CDKN1C: variants seen among roughly 807,000 people sequenced by gnomAD.
CDKN1C encodes cyclin dependent kinase inhibitor 1C.
A neutral mutation model predicts 16.5 loss-of-function variants in CDKN1C; 7 were observed. That is an observed-to-expected ratio of 0.42 (90% CI 0.24 to 0.80). The LOEUF is 0.80. CDKN1C is among the 30% of genes least tolerant of loss of function. CDKN1C has a pLI of 0.26. For synonymous variants in CDKN1C, 288 were observed against 214.4 expected, an observed-to-expected ratio of 1.34 and a Z score of -3.00; for missense variants, 429 against 437.3, an observed-to-expected ratio of 0.98 and a Z score of 0.17.
In CDKN1C at chr11:2,884,878, C is replaced by G. The variant is rs794726872; in HGVS notation, c.579G>C (p.Pro193=). Residue 193 remains proline (P), a synonymous_variant, in exon 2 of 4, where the codon CCG becomes CCC. Transcript: ENST00000440480. ...CCGGGGCGGGGGCCGGGGCCGGGGCCGGGGCCGGGGCTGGGGCCGGGGCCG... is the reference window on the plus strand; with the variant it reads ...CCGGGGCGGGGGCCGGGGCCGGGGCGGGGGCCGGGGCTGGGGCCGGGGCCG... ...PVAAPAPAPA[P]APAPAPAPAP... 1.1e-6 allele frequency: 1 copy of G among 885,706 alleles called. No homozygotes were observed. The highest frequency in any genetic ancestry group is 1.4e-6 in the Non-Finnish European group (1 of 730,632). The allele number at this position is 885,706 out of a possible 1,614,324, so 54.9% of individuals were successfully genotyped here.
At chr11:2,884,522 A>G in intron 2 of CDKN1C, 148 bp downstream of exon 2, 1 of 389,262 alleles carries the variant, frequency 2.6e-6, no homozygotes, top group Middle Eastern at 7.2e-4. Flanking sequence ...GGAGGGGGGT[A>G]AGGGCGCAGC....
chr11:2,884,399 G>A (rs1848899281), intron 2 of CDKN1C: 3 of 237,802 alleles, frequency 1.3e-5, no homozygotes, highest in Non-Finnish European at 2.4e-5. Context: ...GCCGCGCCCG[G>A]GGAGGGGCTC....
chr11:2,883,646 T>C lies in CDKN1C; in HGVS notation c.*275A>G, dbSNP rs1308996529. ...TTTTTCTTTTTTCTTTTTTTTGCAC[T>C]GAGTTTCAGCAGAGATTAAACATTT... On this transcript the variant is annotated 3_prime_UTR_variant, in exon 4 of 4. Transcript: ENST00000440480. 3.1e-6 allele frequency: 2 copies of C among 635,830 alleles called. No individual in the cohort carries two copies. Among genetic ancestry groups the C allele is most frequent in the African/African-American group, 1.9e-5 (1 of 52,828 alleles). 39.4% of individuals were successfully genotyped at this position (635,830 alleles called of 1,614,324 possible).
At position 2,884,958 on chromosome 11, in the gene CDKN1C, G is replaced by T; in HGVS notation, c.499C>A (p.Leu167Met). 9.5e-7 allele frequency: 1 copy of T among 1,051,810 alleles called. No individual in the cohort carries two copies. Among genetic ancestry groups the T allele is most frequent in the Non-Finnish European group, 1.2e-6 (1 of 840,574 alleles). The allele number at this position is 1,051,810 out of a possible 1,614,324, so 65.2% of individuals were successfully genotyped here. A position where few individuals can be genotyped will look rare whatever the true frequency, so the allele number is the denominator to read the frequency against. The change falls in exon 2 of 4, where the codon CTG (leucine) becomes ATG (methionine). Residue 167 changes from leucine (L) to methionine (M), a missense_variant. Coordinates refer to ENST00000440480, the MANE Select transcript of CDKN1C (RefSeq NM_001122630.2). ...PVAAPVAVAVLAPAPAPAPAP... is the reference protein window; with the variant it reads ...PVAAPVAVAVMAPAPAPAPAP... ...GGAGCCGGGGCCGGGGCCGGGGCCA[G>T]GACCGCGACCGCGACCGGAGCCGCG...
rs1174788969 is a variant in CDKN1C, at chr11:2,884,657, G to C, written c.787+13C>G. 1 of 1,301,172 alleles carries C rather than the reference G, an allele frequency of 7.7e-7. No individual in the cohort carries two copies. Among genetic ancestry groups the C allele is most frequent in the East Asian group, 3.1e-5 (1 of 31,802 alleles). 80.6% of individuals were successfully genotyped at this position (1,301,172 alleles called of 1,614,324 possible). A position where few individuals can be genotyped will look rare whatever the true frequency, so the allele number is the denominator to read the frequency against. ...GGCCGGGCCGGGCCGGGGCGGGGCC[G>C]TGCGGGGCTCACCGGAGATCAGAGG... On this transcript the variant is annotated intron_variant, in intron 2 of 3. Transcript: ENST00000440480.
At position 2,885,082 on chromosome 11, in the gene CDKN1C, C is replaced by T. The variant is rs1236844963; in HGVS notation, c.375G>A (p.Leu125=). ...CCGGGGCCGGGACCGGGACACTAGGCAGCTGCTCCGGCGCCTCCTCGAGGC... is the reference window on the plus strand; with the variant it reads ...CCGGGGCCGGGACCGGGACACTAGGTAGCTGCTCCGGCGCCTCCTCGAGGC... ...LDGLEEAPEQ[L]PSVPVPAPAS... Residue 125 remains leucine (L), a synonymous_variant, in exon 2 of 4, where the codon CTG becomes CTA. Transcript: ENST00000440480. 4 of 1,407,960 alleles carry T rather than the reference C, an allele frequency of 2.8e-6. No individual in the cohort carries two copies. Among genetic ancestry groups the T allele is most frequent in the Non-Finnish European group, 3.7e-6 (4 of 1,092,842 alleles). The allele number at this position is 1,407,960 out of a possible 1,614,324, so 87.2% of individuals were successfully genotyped here. A position where few individuals can be genotyped will look rare whatever the true frequency, so the allele number is the denominator to read the frequency against.
chr11:2,885,755 C>T lies in CDKN1C; in HGVS notation c.-132G>A, dbSNP rs147317732. 3.5e-3 allele frequency: 1,989 copies of T among 575,108 alleles called. 7 individuals are homozygous for T. The highest frequency in any genetic ancestry group is 4.7e-3 in the Non-Finnish European group (1,507 of 322,922). The allele number at this position is 575,108 out of a possible 1,614,324, so 35.6% of individuals were successfully genotyped here. On this transcript the variant is annotated 5_prime_UTR_variant, in exon 1 of 4. Coordinates refer to ENST00000440480, the MANE Select transcript of CDKN1C (RefSeq NM_001122630.2). ...TCAGGCCTGGCCGGCACCCCTCGAG[C>T]ACAGCGCACTTGGCCTGTGGAACGC... is the stretch of plus-strand genomic sequence containing the variant.
In CDKN1C at chr11:2,883,929, G is replaced by A. The variant is rs765932400; in HGVS notation, c.*6-14C>T. The A allele has an allele frequency of 2.5e-6, 4 of 1,589,128 alleles. No homozygotes were observed. The highest frequency in any genetic ancestry group is 3.4e-6 in the Non-Finnish European group (4 of 1,167,994). ...TTGGGCTCTAAACTGCGAGGAGAGG[G>A]GCGGTCAGCAAAGCCGGCGGGGACC... On this transcript the variant is annotated splice_polypyrimidine_tract_variant and intron_variant, in intron 3 of 3. Coordinates refer to ENST00000440480, the MANE Select transcript of CDKN1C (RefSeq NM_001122630.2).
At position 2,885,713 on chromosome 11, in the gene CDKN1C, C is replaced by T; in HGVS notation, c.-90G>A. Reference sequence around the variant, plus strand: ...GGCAGCCGCGCCCCCTCGATGCCTGCTGGCTAGCTCGCTCGCTCAGGCCTG... The same window carrying T: ...GGCAGCCGCGCCCCCTCGATGCCTGTTGGCTAGCTCGCTCGCTCAGGCCTG... On this transcript the variant is annotated 5_prime_UTR_variant, in exon 1 of 4. Transcript: ENST00000440480. 3.3e-6 allele frequency: 2 copies of T among 605,936 alleles called. No homozygotes were observed. The highest frequency in any genetic ancestry group is 5.8e-6 in the Non-Finnish European group (2 of 342,932). The allele number at this position is 605,936 out of a possible 1,614,324, so 37.5% of individuals were successfully genotyped here.
chr11:2,885,647 G>T lies in CDKN1C; in HGVS notation c.-24C>A. On this transcript the variant is annotated 5_prime_UTR_variant, in exon 1 of 4. Transcript: ENST00000440480. Reference sequence around the variant, plus strand: ...CGCGGCGGCTACCTGGCTGTCCGGTGGTGGACTCTTCTGCGTCGGGTTCGC... The same window carrying T: ...CGCGGCGGCTACCTGGCTGTCCGGTTGTGGACTCTTCTGCGTCGGGTTCGC... 3 of 876,868 alleles carry T rather than the reference G, an allele frequency of 3.4e-6. No homozygotes were observed. Among genetic ancestry groups the T allele is most frequent in the South Asian group, 1.7e-5 (1 of 60,480 alleles). 54.3% of individuals were successfully genotyped at this position (876,868 alleles called of 1,614,324 possible). A position where few individuals can be genotyped will look rare whatever the true frequency, so the allele number is the denominator to read the frequency against.
At position 2,884,789 on chromosome 11, in the gene CDKN1C, C is replaced by G; in HGVS notation, c.668G>C (p.Gly223Ala). The change falls in exon 2 of 4, where the codon GGC (glycine) becomes GCC (alanine). Residue 223 changes from glycine to alanine, a missense_variant. By Grantham distance (60) the Gly-to-Ala change is moderately conservative (BLOSUM62 0). Coordinates refer to ENST00000440480, the MANE Select transcript of CDKN1C (RefSeq NM_001122630.2). ...AEQGANQGQRGQEPLADQLHS... is the reference protein window; with the variant it reads ...AEQGANQGQRAQEPLADQLHS... ...CAGCTGGTCAGCGAGAGGCTCCTGGCCGCGCTGCCCCTGGTTCGCGCCCTG... is the reference window on the plus strand; with the variant it reads ...CAGCTGGTCAGCGAGAGGCTCCTGGGCGCGCTGCCCCTGGTTCGCGCCCTG... The G allele has an allele frequency of 6.7e-7, 1 of 1,484,128 alleles. No individual in the cohort carries two copies. The allele number at this position is 1,484,128 out of a possible 1,614,324, so 91.9% of individuals were successfully genotyped here.
Position 2,883,575 on chromosome 11 carries a change from A to C in CDKN1C, c.*346T>G, listed in dbSNP as rs1294822408. 3 of 467,018 alleles carry C rather than the reference A, an allele frequency of 6.4e-6. No individual in the cohort carries two copies. The highest frequency in any genetic ancestry group is 6.1e-5 in the African/African-American group (3 of 49,296). The allele number at this position is 467,018 out of a possible 1,614,324, so 28.9% of individuals were successfully genotyped here. A position where few individuals can be genotyped will look rare whatever the true frequency, so the allele number is the denominator to read the frequency against. The stretch of plus-strand genomic sequence containing the variant: ...AAAATATAAGTTAGTATAACTTTAA[A>C]AACTTTTTGTACAAATATACATGGT... On this transcript the variant is annotated 3_prime_UTR_variant, in exon 4 of 4. Coordinates refer to ENST00000440480, the MANE Select transcript of CDKN1C (RefSeq NM_001122630.2).
chr11:2,884,610 AC>A (rs1159655041), intron 2 of CDKN1C, 59 bp downstream of exon 2: 15 of 1,072,856 alleles, frequency 1.4e-5, no homozygotes, highest in Non-Finnish European at 1.8e-5. Flanking sequence ...GGCTGGGGGG[AC>A]CGGCCGGCCG....
In CDKN1C at chr11:2,883,615, CTTTT is replaced by C. The variant is rs996694809; in HGVS notation, c.*302_*305del. ...ATATACATGGTTTTTTTATTTTTTC[CTTTT>C]TTTTTTCTTTTTTCTTTTTTTTGCA... On this transcript the variant is annotated 3_prime_UTR_variant, in exon 4 of 4. Transcript: ENST00000440480. The C allele has an allele frequency of 1.9e-5, 10 of 517,698 alleles. No individual in the cohort carries two copies. Among genetic ancestry groups the C allele is most frequent in the Admixed American group, 4.4e-5 (1 of 22,874 alleles). The allele number at this position is 517,698 out of a possible 1,614,324, so 32.1% of individuals were successfully genotyped here.
In CDKN1C at chr11:2,884,582, C is replaced by A. The variant is rs918659334; in HGVS notation, c.787+88G>T. ...TTAATGCCACGGGAGGAGGCGGGAA[C>A]CCAGCGAGGCCCCCGAGGGCTGGGG... is the stretch of plus-strand genomic sequence containing the variant. On this transcript the variant is annotated intron_variant, in intron 2 of 3. Coordinates refer to ENST00000440480, the MANE Select transcript of CDKN1C (RefSeq NM_001122630.2). The A allele has an allele frequency of 4.8e-5, 38 of 798,182 alleles. No individual in the cohort carries two copies. The African/African-American group carries it at 6.3e-4, about 13-fold the overall frequency. 49.4% of individuals were successfully genotyped at this position (798,182 alleles called of 1,614,324 possible). A position where few individuals can be genotyped will look rare whatever the true frequency, so the allele number is the denominator to read the frequency against.
At chr11:2,885,564 G>C in intron 1 of CDKN1C, 70 bp downstream of exon 1, 2 of 1,515,256 alleles carry the variant, frequency 1.3e-6, no homozygotes, top group Non-Finnish European at 1.8e-6. Flanking sequence ...GAGGAGGAGA[G>C]GGCGGAGGCC....
rs1157920703 is a variant in CDKN1C, at chr11:2,885,091, C to T, written c.366G>A (p.Pro122=). 2.8e-6 allele frequency: 4 copies of T among 1,417,276 alleles called. No individual in the cohort carries two copies. The East Asian group carries it at 1.1e-4, about 39-fold the overall frequency. 87.8% of individuals were successfully genotyped at this position (1,417,276 alleles called of 1,614,324 possible). ...AESLDGLEEA[P]EQLPSVPVPA... ...GGACCGGGACACTAGGCAGCTGCTCCGGCGCCTCCTCGAGGCCGTCGAGGG... is the reference window on the plus strand; with the variant it reads ...GGACCGGGACACTAGGCAGCTGCTCTGGCGCCTCCTCGAGGCCGTCGAGGG... Residue 122 remains proline (P), a synonymous_variant, in exon 2 of 4, where the codon CCG becomes CCA. Coordinates refer to ENST00000440480, the MANE Select transcript of CDKN1C (RefSeq NM_001122630.2).
At chr11:2,884,219 G>T in intron 2 of CDKN1C, 85 bp from the exon 3 acceptor site, 1 of 1,103,406 alleles carries the variant, frequency 9.1e-7, no homozygotes, top group South Asian at 4.4e-5. Context: ...CGGGGCGCGG[G>T]CCGGCCGGGG....
rs137852766 is a variant in CDKN1C at position 2,885,351 on chromosome 11, G to A, written c.106C>T (p.Gln36Ter). 6.3e-7 allele frequency: 1 copy of A among 1,591,812 alleles called. No individual in the cohort carries two copies. The highest frequency in any genetic ancestry group is 8.5e-7 in the Non-Finnish European group (1 of 1,171,570). Residue 36 changes from glutamine to a stop codon, truncating the protein, a stop_gained, in exon 2 of 4, where the codon CAG becomes TAG. Transcript: ENST00000440480. LOFTEE classifies it high-confidence loss of function. ...GCGTTCAGCTCGGCCAGGCGGGCCTGCAGCTCGCGGCTCAGCTCCTCGTGG... is the reference window on the plus strand; with the variant it reads ...GCGTTCAGCTCGGCCAGGCGGGCCTACAGCTCGCGGCTCAGCTCCTCGTGG... Reference protein sequence around the residue: ...VDHEELSRELQARLAELNAED... With the variant: ...VDHEELSREL
Sources: gnomAD v4.1 joint callset for allele counts on GRCh38, gnomAD v4.1.1 for gene constraint, MANE v1.5 for transcripts, NCBI Gene and HGNC (gene_info 2026-07-23, HGNC 2026-07-21) for gene names.